The following CDKL4 variants were observed in gnomAD, a reference collection of about 807,000 sequenced individuals.
CDKL4 encodes the protein cyclin-dependent kinase-like 4.
In CDKL4, 44 loss-of-function variants were observed where a neutral mutation model predicts 42.0. The ratio of observed to expected loss-of-function variants is 1.05; its 90% CI spans 0.82 to 1.35. CDKL4 has a LOEUF of 1.35. Among genes scored for constraint, CDKL4 ranks in the 40% most tolerant of loss-of-function variants. The pLI is 0.00. For missense variants in CDKL4, 393 were observed against 369.9 expected (o/e 1.06, Z -0.51); for synonymous variants, 120 against 121.6 (o/e 0.99, Z 0.09).
chr2:39,240,297 G>A (rs1484722990), intron 1 of CDKL4, among the ~76,000 whole-genome samples: 1 of 151,534 alleles, frequency 6.6e-6, no homozygotes, highest in Non-Finnish European at 1.5e-5. Context: ...GTGGTGGTAT[G>A]CACCTGTAAT....
In CDKL4 at chr2:39,242,077, G is replaced by A. The variant is rs138666548; in HGVS notation, c.-57+1794C>T. ...TTTTTTTTAACTGAGACAGGGTCTC[G>A]CTCTGTCACTCAGGCTGGAGTGCAG... On this transcript the variant is annotated intron_variant, in intron 1 of 9. Transcript: ENST00000451199. 9.4e-5 allele frequency among the ~76,000 whole-genome samples: 14 copies of A among 148,884 alleles called. No homozygotes were observed. In the East Asian group the frequency reaches 2.6e-3, roughly 27 times the overall value.
intron 5 of CDKL4, among the ~76,000 whole-genome samples, chr2:39,203,445 A>C (rs1056580194): frequency 2.6e-5 from 4 of 151,984 alleles, no homozygotes; most frequent in African/African-American, 9.7e-5. Flanking sequence ...TATATAATGG[A>C]TTTCCAGGAA....
At chr2:39,205,759 C>CAAAAAAAAAAA (rs1167041058) in intron 4 of CDKL4, among the ~76,000 whole-genome samples, 1 of 78,668 alleles carries the variant, frequency 1.3e-5, no homozygotes, top group African/African-American at 4.7e-5. Context: ...GACTCCGTCT[C>CAAAAAAAAAAA]AAAAAAAAAA....
At chr2:39,181,110 T>C (rs1675416111) in intron 8 of CDKL4, among the ~76,000 whole-genome samples, 1 of 152,222 alleles carries the variant, frequency 6.6e-6, no homozygotes, top group African/African-American at 2.4e-5. Flanking sequence ...TCTACTTCCA[T>C]ATCCTTCAAC....
At chr2:39,218,025 G>A (rs908840949) in intron 3 of CDKL4, among the ~76,000 whole-genome samples, 1 of 151,972 alleles carries the variant, frequency 6.6e-6, no homozygotes, top group South Asian at 2.1e-4. Flanking sequence ...GAGCCACTGC[G>A]CCTGGCCCCC....
chr2:39,199,864 A>T lies in CDKL4; in HGVS notation c.454+4663T>A, dbSNP rs1160530715. Among the ~76,000 whole-genome samples, 4 of 152,192 alleles carry T rather than the reference A, an allele frequency of 2.6e-5. No homozygotes were observed. In the East Asian group the frequency reaches 5.8e-4, roughly 22 times the overall value. On this transcript the variant is annotated intron_variant, in intron 5 of 9. Coordinates refer to ENST00000451199, the Ensembl canonical transcript of CDKL4. ...AAGGTAATAAAAACCATTGATGACA[A>T]ACCCACAGTCAACATTATACTGAAT...
chr2:39,204,645 C>A, intron 4 of CDKL4, 28 bp from the exon 5 acceptor site: 1 of 1,222,870 alleles, frequency 8.2e-7, no homozygotes, highest in Non-Finnish European at 1.2e-6. Context: ...GATTATTTTT[C>A]TGAACCATCA....
At chr2:39,242,778 A>T (rs1292825025) in intron 1 of CDKL4, among the ~76,000 whole-genome samples, 1 of 152,172 alleles carries the variant, frequency 6.6e-6, no homozygotes, top group Admixed American at 6.5e-5. Flanking sequence ...GAGCTTTAGG[A>T]AACTCATGTA....
intron 4 of CDKL4, among the ~76,000 whole-genome samples, chr2:39,207,994 C>G (rs7561710): frequency 6.6e-6 from 1 of 151,810 alleles, no homozygotes; most frequent in African/African-American, 2.4e-5. Flanking sequence ...CCCAGCTACT[C>G]GGGAGGCTGA....
intron 3 of CDKL4, among the ~76,000 whole-genome samples, chr2:39,216,576 T>C (rs888990234): frequency 2.6e-5 from 4 of 152,208 alleles, no homozygotes; most frequent in Non-Finnish European, 2.9e-5. Flanking sequence ...GCTAATTCAA[T>C]AACCCAAGTG....
the CDKL4 span, among the ~76,000 whole-genome samples, chr2:39,169,591 T>C: frequency 1.3e-5 from 2 of 152,188 alleles, no homozygotes; most frequent in Admixed American, 6.5e-5. Flanking sequence ...CACAGAACTT[T>C]AGAGTTGAAA....
At chr2:39,234,441 T>TA (rs1679251559) in intron 1 of CDKL4, among the ~76,000 whole-genome samples, 1 of 151,704 alleles carries the variant, frequency 6.6e-6, no homozygotes, top group Non-Finnish European at 1.5e-5. Flanking sequence ...GAAAAAAAGG[T>TA]AAAAGTTTAG....
chr2:39,206,483 G>T (rs1186688180), intron 4 of CDKL4, among the ~76,000 whole-genome samples: 1 of 152,220 alleles, frequency 6.6e-6, no homozygotes, highest in Non-Finnish European at 1.5e-5. Context: ...GGCCCGGCTA[G>T]GGGCCTGGGT....
chr2:39,174,471 C>T (rs926996803), downstream of CDKL4, among the ~76,000 whole-genome samples: 5 of 151,796 alleles, frequency 3.3e-5, no homozygotes, highest in African/African-American at 1.2e-4. Flanking sequence ...TAAATGGATG[C>T]TTCTACATAA....
intron 3 of CDKL4, among the ~76,000 whole-genome samples, chr2:39,220,408 C>T (rs1678231936): frequency 1.3e-5 from 2 of 152,164 alleles, no homozygotes; most frequent in East Asian, 1.9e-4. Flanking sequence ...GGGCCTATAA[C>T]AAAGTGAAAC....
intron 3 of CDKL4, among the ~76,000 whole-genome samples, chr2:39,214,624 C>G (rs552334380): frequency 7.9e-5 from 12 of 152,272 alleles, no homozygotes; most frequent in African/African-American, 2.6e-4. Context: ...CATTACATTT[C>G]GATCCTGCAT....
intron 1 of CDKL4, among the ~76,000 whole-genome samples, chr2:39,240,563 AC>A (rs1679610581): frequency 6.6e-6 from 1 of 152,102 alleles, no homozygotes; most frequent in Non-Finnish European, 1.5e-5. Flanking sequence ...TATATGGAAA[AC>A]AATCCAAATG....
intron 9 of CDKL4, chr2:39,178,863 T>G (rs1675279054): frequency 6.7e-7 from 1 of 1,481,986 alleles, no homozygotes; most frequent in African/African-American, 1.4e-5. Context: ...CTCAGTCCTG[T>G]TGGAATCAGC....
At chr2:39,218,998 T>C (rs1475337829) in intron 3 of CDKL4, among the ~76,000 whole-genome samples, 4 of 152,234 alleles carry the variant, frequency 2.6e-5, no homozygotes, top group African/African-American at 9.6e-5. Flanking sequence ...CACTGTGCTT[T>C]ATTTTTCTTC....
Sources: gnomAD v4.1 joint callset for allele counts (sites outside exome capture counted in the v4.1 genomes callset) on GRCh38, gnomAD v4.1.1 for gene constraint, MANE v1.5 for transcripts, NCBI Gene and HGNC (gene_info 2026-07-23, HGNC 2026-07-21) for gene names.